The following KLHL1 variants were observed in gnomAD, a reference collection of about 807,000 sequenced individuals.
KLHL1 encodes kelch like family member 1, also known as kelch-like protein 1.
KLHL1 carries 47 observed loss-of-function variants against 77.7 expected under a neutral mutation model. The observed-to-expected ratio is 0.60, with a 90% CI of 0.48 to 0.77. The LOEUF (loss-of-function observed/expected upper bound fraction) is 0.77, where lower values mean the gene tolerates loss of function less well. Ranked by LOEUF, KLHL1 falls within the 30% of genes least tolerant of loss-of-function variation. The pLI, the probability that KLHL1 is intolerant of heterozygous loss-of-function variation, is 0.00. For missense variants in KLHL1, 925 were observed against 910.8 expected (o/e 1.02, Z -0.20); for synonymous variants, 360 against 325.2 (o/e 1.11, Z -1.15).
At chr13:70,088,855 G>GAAA (rs10691528) in intron 1 of KLHL1, among the ~76,000 whole-genome samples, 1 of 150,382 alleles carries the variant, frequency 6.6e-6, no homozygotes, top group African/African-American at 2.4e-5. Flanking sequence ...ATCAGAAAAA[G>GAAA]AAAAAAAAAC....
At position 70,060,968 on chromosome 13, in the gene KLHL1, T is replaced by A. The variant is rs536487727; in HGVS notation, c.497+46235A>T. Among the ~76,000 whole-genome samples the A allele has an allele frequency of 3.3e-5, 5 of 152,194 alleles. No homozygotes were observed. In the South Asian group the frequency reaches 1.0e-3, roughly 32 times the overall value. ...CTGAGGGACACTATGTTAACAGAAATATGCCAGGCACACAAAGACTAAGTT... is the reference window on the plus strand; with the variant it reads ...CTGAGGGACACTATGTTAACAGAAAAATGCCAGGCACACAAAGACTAAGTT... On this transcript the variant is annotated intron_variant, in intron 1 of 10. Coordinates refer to ENST00000377844, the MANE Select transcript of KLHL1 (RefSeq NM_020866.3).
At chr13:69,804,313 G>T (rs76629208) in intron 6 of KLHL1, among the ~76,000 whole-genome samples, 2 of 151,996 alleles carry the variant, frequency 1.3e-5, no homozygotes, top group East Asian at 3.9e-4. Context: ...TTTGTGGGGG[G>T]GGGAAATAGT....
At chr13:69,852,263 C>G (rs866260306) in intron 5 of KLHL1, among the ~76,000 whole-genome samples, 1 of 151,892 alleles carries the variant, frequency 6.6e-6, no homozygotes, top group African/African-American at 2.4e-5. Flanking sequence ...AATGGCCTCA[C>G]GTCTGTAAAA....
At chr13:69,974,852 C>T (rs757734176) in intron 2 of KLHL1, among the ~76,000 whole-genome samples, 7 of 151,870 alleles carry the variant, frequency 4.6e-5, no homozygotes, top group African/African-American at 7.2e-5. Flanking sequence ...AATTCTCTTG[C>T]AAATGGTAAC....
At position 69,707,615 on chromosome 13, in the gene KLHL1, A is replaced by G; in HGVS notation, c.2187+10T>C. 3 of 1,606,318 alleles carry G rather than the reference A, an allele frequency of 1.9e-6. No individual in the cohort carries two copies. The highest frequency in any genetic ancestry group is 2.6e-6 in the Non-Finnish European group (3 of 1,175,086). ...ATCCTTGAAGTGAATTATGCTGATG[A>G]CAATCTTACCTGTGTCCACTCATTA... On this transcript the variant is annotated intron_variant, in intron 10 of 10. Coordinates refer to ENST00000377844, the MANE Select transcript of KLHL1 (RefSeq NM_020866.3).
At chr13:69,729,654 A>C (rs1221406654) in intron 8 of KLHL1, among the ~76,000 whole-genome samples, 2 of 152,162 alleles carry the variant, frequency 1.3e-5, no homozygotes, top group Non-Finnish European at 2.9e-5. Context: ...ACATAGGAAA[A>C]GTACCCAGAC....
intron 8 of KLHL1, among the ~76,000 whole-genome samples, chr13:69,723,475 A>T (rs944303450): frequency 6.6e-6 from 1 of 152,132 alleles, no homozygotes; most frequent in African/African-American, 2.4e-5. Context: ...ACAAAAAAAG[A>T]AAGTAAGCCC....
At chr13:69,722,396 GA>G (rs1363749516) in intron 8 of KLHL1, among the ~76,000 whole-genome samples, 1 of 151,260 alleles carries the variant, frequency 6.6e-6, no homozygotes, top group Non-Finnish European at 1.5e-5. Context: ...AACCTACCAA[GA>G]CTAAATCATG....
At chr13:69,796,441 G>A (rs1459792144) in intron 7 of KLHL1, among the ~76,000 whole-genome samples, 5 of 152,078 alleles carry the variant, frequency 3.3e-5, no homozygotes. Flanking sequence ...TTGTTAAAAA[G>A]AGCCTGACAC....
chr13:69,786,388 G>A (rs546755721), intron 7 of KLHL1, among the ~76,000 whole-genome samples: 32 of 152,106 alleles, frequency 2.1e-4, no homozygotes, highest in South Asian at 1.0e-3. Flanking sequence ...GCATATAAAC[G>A]GAACCAAAGA....
intron 8 of KLHL1, among the ~76,000 whole-genome samples, chr13:69,740,035 T>C (rs1228078242): frequency 1.3e-5 from 2 of 152,174 alleles, no homozygotes; most frequent in African/African-American, 4.8e-5. Context: ...ATTCTTGATT[T>C]AGAGGGATAG....
intron 7 of KLHL1, among the ~76,000 whole-genome samples, chr13:69,768,190 C>T (rs963569068): frequency 1.3e-5 from 2 of 152,132 alleles, no homozygotes; most frequent in Non-Finnish European, 1.5e-5. Context: ...TACCAAGCTG[C>T]AAAGAATGCA....
intron 5 of KLHL1, among the ~76,000 whole-genome samples, chr13:69,840,682 C>G (rs1006549908): frequency 7.3e-6 from 1 of 137,702 alleles, no homozygotes; most frequent in Non-Finnish European, 1.6e-5. Flanking sequence ...TGAACATTAA[C>G]TTTATATATA....
intron 1 of KLHL1, among the ~76,000 whole-genome samples, chr13:69,983,104 ATATC>A (rs1384927438): frequency 1.3e-5 from 2 of 152,306 alleles, no homozygotes; most frequent in East Asian, 3.9e-4. Context: ...AATCCCATTT[ATATC>A]TATTTTAAAG....
At chr13:69,706,792 C>A (rs1315254763) in intron 10 of KLHL1, among the ~76,000 whole-genome samples, 2 of 151,902 alleles carry the variant, frequency 1.3e-5, no homozygotes, top group African/African-American at 4.8e-5. Context: ...TGTATCGATT[C>A]CCTCCATCAT....
chr13:69,825,214 G>A (rs7330188), intron 6 of KLHL1, among the ~76,000 whole-genome samples: 14,305 of 152,022 alleles, frequency 0.094, 853 homozygotes, highest in Non-Finnish European at 0.13. Flanking sequence ...AATTGGTCAG[G>A]CTACTGAGAA....
chr13:69,788,225 G>A (rs1215191858), intron 7 of KLHL1, among the ~76,000 whole-genome samples: 3 of 152,154 alleles, frequency 2.0e-5, no homozygotes, highest in Non-Finnish European at 4.4e-5. Context: ...TGTTTATTGT[G>A]GCACTATTCA....
At chr13:69,745,942 C>T (rs985026447) in intron 7 of KLHL1, among the ~76,000 whole-genome samples, 5 of 151,522 alleles carry the variant, frequency 3.3e-5, no homozygotes, top group Admixed American at 1.3e-4. Flanking sequence ...AACATTGTCT[C>T]TTCTAATCCA....
chr13:69,855,850 A>G (rs1207734197), intron 5 of KLHL1, among the ~76,000 whole-genome samples: 2 of 127,660 alleles, frequency 1.6e-5, no homozygotes, highest in African/African-American at 3.2e-5. Context: ...GGTATTATAT[A>G]TGTTATATAA....
Sources: gnomAD v4.1 joint callset for allele counts (sites outside exome capture counted in the v4.1 genomes callset) on GRCh38, gnomAD v4.1.1 for gene constraint, MANE v1.5 for transcripts, NCBI Gene and HGNC (gene_info 2026-07-23, HGNC 2026-07-21) for gene names.